Variants in MEI4 observed in about 807,000 individuals in gnomAD.
MEI4 encodes the protein meiotic double-stranded break formation protein 4.
In MEI4, 27 loss-of-function variants were observed where a neutral mutation model predicts 31.4. The ratio of observed to expected loss-of-function variants is 0.86; its 90% CI spans 0.63 to 1.19. The LOEUF (loss-of-function observed/expected upper bound fraction) is 1.19, where lower values mean the gene tolerates loss of function less well. Ranked by LOEUF, MEI4 falls within the 50% of genes most tolerant of loss-of-function variation. MEI4 has a pLI of 0.00. For missense variants in MEI4, 329 were observed against 398.9 expected, an observed-to-expected ratio of 0.82 and a Z score of 1.49; for synonymous variants, 122 against 145.4, an observed-to-expected ratio of 0.84 and a Z score of 1.16.
intron 4 of MEI4, among the ~76,000 whole-genome samples, chr6:77,903,140 C>CT (rs1330595079): frequency 2.0e-5 from 3 of 152,110 alleles, no homozygotes; most frequent in Non-Finnish European, 4.4e-5. Context: ...CTTTTATTTC[C>CT]TTTTTTTCTT....
At chr6:77,888,463 T>C (rs1039786269) in intron 4 of MEI4, among the ~76,000 whole-genome samples, 2 of 152,128 alleles carry the variant, frequency 1.3e-5, no homozygotes, top group Non-Finnish European at 2.9e-5. Flanking sequence ...CCTGTTTCCA[T>C]GGTGATGTAT....
chr6:77,864,391 C>A (rs939505540), intron 4 of MEI4, among the ~76,000 whole-genome samples: 2 of 151,972 alleles, frequency 1.3e-5, no homozygotes, highest in Admixed American at 1.3e-4. Flanking sequence ...GGAAGATCTA[C>A]CAAGCAAATG....
At chr6:77,751,152 A>T (rs1428055820) in intron 2 of MEI4, among the ~76,000 whole-genome samples, 2 of 152,204 alleles carry the variant, frequency 1.3e-5, no homozygotes, top group Non-Finnish European at 2.9e-5. Flanking sequence ...CTAAATGCCC[A>T]CAAGAGAAAG....
chr6:77,767,040 A>G (rs1190542012), intron 3 of MEI4, among the ~76,000 whole-genome samples: 1 of 152,122 alleles, frequency 6.6e-6, no homozygotes, highest in African/African-American at 2.4e-5. Context: ...ATATAAAGGA[A>G]GTCTAAGGTT....
At chr6:77,694,415 C>G (rs967886360) in intron 2 of MEI4, among the ~76,000 whole-genome samples, 14 of 150,854 alleles carry the variant, frequency 9.3e-5, no homozygotes, top group Non-Finnish European at 1.5e-4. Context: ...CTCCCCCTTC[C>G]CCCCACCCCA....
At position 77,926,608 on chromosome 6, in the gene MEI4, G is replaced by A. The variant is rs1290543922; in HGVS notation, c.*3262G>A. 1.3e-5 allele frequency: 2 copies of A among 151,848 alleles called. No individual in the cohort carries two copies. The highest frequency in any genetic ancestry group is 2.9e-5 in the Non-Finnish European group (2 of 67,920). The allele number at this position is 151,848 out of a possible 1,614,324, so 9.4% of individuals were successfully genotyped here. The stretch of plus-strand genomic sequence containing the variant: ...GGCATTTGCATTTCCAAAATTTTAT[G>A]TACATTTACAGATTTTCTGAACGCC... On this transcript the variant is annotated 3_prime_UTR_variant, in exon 5 of 5. Transcript: ENST00000684080.
At chr6:77,809,703 A>C (rs906760612) in intron 3 of MEI4, among the ~76,000 whole-genome samples, 1 of 152,192 alleles carries the variant, frequency 6.6e-6, no homozygotes, top group Non-Finnish European at 1.5e-5. Context: ...TCCAGTAGTC[A>C]TTCTATCAAG....
intron 1 of MEI4, among the ~76,000 whole-genome samples, chr6:77,664,128 G>A (rs1389977764): frequency 2.0e-5 from 3 of 152,186 alleles, no homozygotes; most frequent in Admixed American, 2.0e-4. Context: ...CACAGTGGAG[G>A]CAAGGAATTG....
In MEI4 at chr6:77,719,282, G is replaced by C. The variant is rs1184295453; in HGVS notation, c.232+28379G>C. ...TTCTTTGGGAATTTCCTTGGGGCAAGGTTTCCCTTTAGGTCTAAATTTTAG... is the reference window on the plus strand; with the variant it reads ...TTCTTTGGGAATTTCCTTGGGGCAACGTTTCCCTTTAGGTCTAAATTTTAG... On this transcript the variant is annotated intron_variant, in intron 2 of 4. Transcript: ENST00000684080. Among the ~76,000 whole-genome samples, 3 of 136,978 alleles carry C rather than the reference G, an allele frequency of 2.2e-5. 1 individual carries two copies. Among genetic ancestry groups the C allele is most frequent in the Non-Finnish European group, 1.6e-5 (1 of 63,522 alleles). 89.9% of individuals were successfully genotyped at this position (136,978 alleles called of 152,430 possible).
At chr6:77,918,758 A>C (rs1293043366) in intron 4 of MEI4, among the ~76,000 whole-genome samples, 3 of 151,666 alleles carry the variant, frequency 2.0e-5, no homozygotes, top group Non-Finnish European at 1.5e-5. Context: ...AATACCCTTT[A>C]TTTCCTTCTC....
At chr6:77,793,514 G>A (rs1375191678) in intron 3 of MEI4, among the ~76,000 whole-genome samples, 1 of 152,178 alleles carries the variant, frequency 6.6e-6, no homozygotes, top group African/African-American at 2.4e-5. Flanking sequence ...TTGTAATGGT[G>A]TGTATAGGTC....
At chr6:77,665,534 C>A (rs143349961) in intron 1 of MEI4, among the ~76,000 whole-genome samples, 1 of 152,122 alleles carries the variant, frequency 6.6e-6, no homozygotes, top group Non-Finnish European at 1.5e-5. Context: ...GGGGTACTTG[C>A]CCCTTCCCCA....
intron 4 of MEI4, among the ~76,000 whole-genome samples, chr6:77,877,768 G>T (rs530795976): frequency 6.8e-6 from 1 of 147,656 alleles, no homozygotes. Flanking sequence ...AAGAAAAGGC[G>T]CTAGAAGATG....
chr6:77,700,553 A>T (rs1376734653), intron 2 of MEI4, among the ~76,000 whole-genome samples: 1 of 152,220 alleles, frequency 6.6e-6, no homozygotes, highest in Non-Finnish European at 1.5e-5. Flanking sequence ...CGAGTGAGGC[A>T]GTGCCTTGCC....
chr6:77,750,422 G>A (rs1309250908), intron 2 of MEI4, among the ~76,000 whole-genome samples: 1 of 152,142 alleles, frequency 6.6e-6, no homozygotes, highest in Non-Finnish European at 1.5e-5. Context: ...AGGGATGGAG[G>A]AATATTTACC....
chr6:77,843,807 C>T (rs1201238891), intron 4 of MEI4, among the ~76,000 whole-genome samples: 2 of 151,954 alleles, frequency 1.3e-5, no homozygotes, highest in Admixed American at 6.6e-5. Flanking sequence ...TAAAAATAAT[C>T]ATTAATTTAC....
rs550154037 is a variant in MEI4, at chr6:77,782,886, CTGAG to C, written c.768+21223_768+21226del. 3.3e-4 allele frequency among the ~76,000 whole-genome samples: 51 copies of C among 152,310 alleles called. No individual in the cohort carries two copies. In the East Asian group the frequency reaches 6.8e-3, roughly 20 times the overall value. ...ACTTCAAATCTAGAGTAGCCTATGA[CTGAG>C]TAAGTATAGCACTACAGTAATTGGC... is the stretch of plus-strand genomic sequence containing the variant. On this transcript the variant is annotated intron_variant, in intron 3 of 4. Transcript: ENST00000684080.
chr6:77,866,039 C>T (rs1771016796), intron 4 of MEI4, among the ~76,000 whole-genome samples: 1 of 152,020 alleles, frequency 6.6e-6, no homozygotes. Context: ...ACTCTTCATG[C>T]TAAACACTCT....
intron 4 of MEI4, among the ~76,000 whole-genome samples, chr6:77,891,290 T>C (rs1006440410): frequency 6.6e-6 from 1 of 152,178 alleles, no homozygotes; most frequent in African/African-American, 2.4e-5. Context: ...ATTTCTTCAC[T>C]TTCTGGTGTC....
Sources: gnomAD v4.1 joint callset for allele counts (sites outside exome capture counted in the v4.1 genomes callset) on GRCh38, gnomAD v4.1.1 for gene constraint, MANE v1.5 for transcripts, NCBI Gene and HGNC (gene_info 2026-07-23, HGNC 2026-07-21) for gene names.